Variants in EIF2S1 observed in about 807,000 individuals in gnomAD.
The protein encoded by EIF2S1 is eukaryotic translation initiation factor 2 subunit 1.
In EIF2S1, 5 loss-of-function variants were observed where a neutral mutation model predicts 33.5. The observed-to-expected ratio is 0.15, with a 90% confidence interval of 0.08 to 0.31. EIF2S1 has a LOEUF of 0.31. Among genes scored for constraint, EIF2S1 ranks in the 10% least tolerant of loss-of-function variants. The probability of loss-of-function intolerance (pLI) is 1.00; values close to 1 mark genes in which losing one functional copy is unlikely to be tolerated. For missense variants in EIF2S1, 191 were observed against 384.6 expected (o/e 0.50, Z 4.21); for synonymous variants, 99 against 127.5 (o/e 0.78, Z 1.51).
chr14:67,374,659 C>A, intron 3 of EIF2S1, 112 bp downstream of exon 3: 1 of 664,092 alleles, frequency 1.5e-6, no homozygotes, highest in South Asian at 3.5e-5. Flanking sequence ...ATCTAATATT[C>A]TCAAATTAGT....
intron 6 of EIF2S1, 95 bp downstream of exon 6, chr14:67,381,785 T>A: frequency 1.1e-6 from 1 of 893,712 alleles, no homozygotes; most frequent in Non-Finnish European, 1.7e-6. Context: ...TAATCACATT[T>A]CATAACAAAA....
Position 67,360,371 on chromosome 14 carries a change from G to C in EIF2S1, c.-87G>C, listed in dbSNP as rs2085725920. The C allele has an allele frequency of 7.6e-6, 3 of 396,816 alleles. No individual in the cohort carries two copies. The highest frequency in any genetic ancestry group is 1.3e-5 in the Non-Finnish European group (3 of 225,356). The allele number at this position is 396,816 out of a possible 1,614,324, so 24.6% of individuals were successfully genotyped here. On this transcript the variant is annotated 5_prime_UTR_variant, in exon 1 of 8. Coordinates refer to ENST00000256383, the MANE Select transcript of EIF2S1 (RefSeq NM_004094.5). ...GAAGCGCACGCTGAGGAGGATCGGC[G>C]GCCGGTGAGGGGGAAGCAAGTCTGG... is the stretch of plus-strand genomic sequence containing the variant.
intron 2 of EIF2S1, among the ~76,000 whole-genome samples, chr14:67,369,332 T>A (rs1018977670): frequency 6.6e-6 from 1 of 152,258 alleles, no homozygotes; most frequent in Non-Finnish European, 1.5e-5. Context: ...CAGTCATCAC[T>A]GTGTATGTGC....
intron 2 of EIF2S1, among the ~76,000 whole-genome samples, chr14:67,366,243 G>A (rs1293487054): frequency 6.6e-6 from 1 of 152,070 alleles, no homozygotes; most frequent in African/African-American, 2.4e-5. Context: ...ACCCTGCCCA[G>A]CTAACTTTCT....
chr14:67,376,297 C>A, intron 3 of EIF2S1, 142 bp from the exon 4 acceptor site: 1 of 812,446 alleles, frequency 1.2e-6, no homozygotes, highest in Non-Finnish European at 1.9e-6. Context: ...TTTTTATACC[C>A]ACTTAAAGTG....
At chr14:67,374,059 A>T (rs982617110) in intron 2 of EIF2S1, among the ~76,000 whole-genome samples, 1 of 152,106 alleles carries the variant, frequency 6.6e-6, no homozygotes, top group African/African-American at 2.4e-5. Context: ...TGATAATAAA[A>T]ATTTATTTCT....
Position 67,381,703 on chromosome 14 carries a change from T to C in EIF2S1, c.678+13T>C. On this transcript the variant is annotated intron_variant, in intron 6 of 7. Coordinates refer to ENST00000256383, the MANE Select transcript of EIF2S1 (RefSeq NM_004094.5). Reference sequence around the variant, plus strand: ...CATGCCCATTAAGGTGAGTCATGAGTTGTCTCCCTCCCTGCTGAAATGCTC... The same window carrying C: ...CATGCCCATTAAGGTGAGTCATGAGCTGTCTCCCTCCCTGCTGAAATGCTC... 6.3e-7 allele frequency: 1 copy of C among 1,585,894 alleles called. No homozygotes were observed. The highest frequency in any genetic ancestry group is 8.7e-7 in the Non-Finnish European group (1 of 1,155,992).
rs149476732 is a variant in EIF2S1, at chr14:67,384,877, G to C, written c.*1437G>C. ...AGAGTGGCATATAATTTTCACTTCT[G>C]TCTGTTGAGGCATCAAAAAAACAAG... On this transcript the variant is annotated 3_prime_UTR_variant, in exon 8 of 8. Transcript: ENST00000256383. The C allele has an allele frequency of 2.6e-4, 40 of 152,282 alleles. No individual in the cohort carries two copies. The highest frequency in any genetic ancestry group is 9.2e-4 in the Admixed American group (14 of 15,294). The allele number at this position is 152,282 out of a possible 1,614,324, so 9.4% of individuals were successfully genotyped here.
At chr14:67,365,082 T>C in intron 2 of EIF2S1, 74 bp downstream of exon 2, 1 of 1,438,670 alleles carries the variant, frequency 7.0e-7, no homozygotes, top group Non-Finnish European at 9.2e-7. Flanking sequence ...TTTTTGTAAA[T>C]TGCAAGCTGC....
chr14:67,382,183 T>C (rs1297755243), intron 6 of EIF2S1, among the ~76,000 whole-genome samples: 3 of 151,994 alleles, frequency 2.0e-5, no homozygotes, highest in Non-Finnish European at 4.4e-5. Context: ...TACACGGAAA[T>C]GATAATTCTT....
chr14:67,380,360 C>T (rs1004419948), intron 4 of EIF2S1, among the ~76,000 whole-genome samples: 7 of 151,912 alleles, frequency 4.6e-5, no homozygotes, highest in African/African-American at 1.7e-4. Flanking sequence ...TTATAAACTC[C>T]TTGAGGCAGG....
Position 67,384,444 on chromosome 14 carries a change from CATT to C in EIF2S1, c.*1008_*1010del, listed in dbSNP as rs1334848283. 3 of 151,232 alleles carry C rather than the reference CATT, an allele frequency of 2.0e-5. No homozygotes were observed. Among genetic ancestry groups the C allele is most frequent in the African/African-American group, 7.3e-5 (3 of 41,080 alleles). 9.4% of individuals were successfully genotyped at this position (151,232 alleles called of 1,614,324 possible). On this transcript the variant is annotated 3_prime_UTR_variant, in exon 8 of 8. Coordinates refer to ENST00000256383, the MANE Select transcript of EIF2S1 (RefSeq NM_004094.5). ...TACATAATAAGTTTCATAGGTAACA[CATT>C]ATTTGAAGTTACAGCTACAGTAGTC...
At chr14:67,362,334 CTTG>C (rs145082071) in intron 1 of EIF2S1, among the ~76,000 whole-genome samples, 1,560 of 151,932 alleles carry the variant, frequency 0.01, 27 homozygotes, top group African/African-American at 0.035. Flanking sequence ...AAGAGTCTTT[CTTG>C]TTGTATCATT....
intron 4 of EIF2S1, among the ~76,000 whole-genome samples, chr14:67,377,322 A>G (rs1298605992): frequency 1.3e-5 from 2 of 152,142 alleles, no homozygotes; most frequent in African/African-American, 4.8e-5. Context: ...AGGTTGGTCC[A>G]CTGCATATTC....
chr14:67,365,136 A>G (rs926220894), intron 2 of EIF2S1, 128 bp downstream of exon 2: 3 of 1,037,784 alleles, frequency 2.9e-6, no homozygotes, highest in Middle Eastern at 3.0e-4. Context: ...CCTTTTACAT[A>G]CAAAGTTGTT....
intron 2 of EIF2S1, among the ~76,000 whole-genome samples, chr14:67,372,386 C>G (rs528867736): frequency 3.3e-4 from 50 of 152,252 alleles, no homozygotes; most frequent in African/African-American, 1.2e-3. Flanking sequence ...GCAAAGATTT[C>G]TTAGATAGCA....
In EIF2S1 at chr14:67,381,819, G is replaced by A. The variant is rs2085889264; in HGVS notation, c.678+129G>A. 8 of 592,438 alleles carry A rather than the reference G, an allele frequency of 1.4e-5. No homozygotes were observed. The South Asian group carries it at 1.7e-4, about 13-fold the overall frequency. 36.7% of individuals were successfully genotyped at this position (592,438 alleles called of 1,614,324 possible). A position where few individuals can be genotyped will look rare whatever the true frequency, so the allele number is the denominator to read the frequency against. On this transcript the variant is annotated intron_variant, in intron 6 of 7. Transcript: ENST00000256383. ...AAGTGGGTTTTTTACTCTTAAAATT[G>A]AGCAGTGGTTCTTGGTAATATTTCT...
intron 2 of EIF2S1, among the ~76,000 whole-genome samples, chr14:67,367,456 C>T (rs1344069060): frequency 6.9e-6 from 1 of 144,006 alleles, no homozygotes; most frequent in Admixed American, 6.9e-5. Flanking sequence ...GTCTTGATCT[C>T]CTGACCTTGT....
rs115700036 is a variant in EIF2S1, at chr14:67,378,220, A to G, written c.473+1630A>G. Among the ~76,000 whole-genome samples the G allele has an allele frequency of 2.9e-3, 447 of 152,090 alleles. 3 individuals carry two copies. Among genetic ancestry groups the G allele is most frequent in the African/African-American group, 0.01 (419 of 41,522 alleles). On this transcript the variant is annotated intron_variant, in intron 4 of 7. Transcript: ENST00000256383. ...AAATGTTAAGAGTTAGAGGGGGGAA[A>G]AAAGAGAATGAGTAGGACCCAAGAC...
Sources: allele counts gnomAD v4.1 joint callset (sites outside exome capture counted in the v4.1 genomes callset), GRCh38; gene constraint gnomAD v4.1.1; transcripts MANE v1.5; gene names NCBI Gene and HGNC (gene_info 2026-07-23, HGNC 2026-07-21).